Variants in PPP4R4 observed in about 807,000 individuals in gnomAD.
PPP4R4 encodes the protein serine/threonine-protein phosphatase 4 regulatory subunit 4.
A neutral mutation model predicts 121.8 loss-of-function variants in PPP4R4; 70 were observed. The ratio of observed to expected loss-of-function variants is 0.57; its 90% confidence interval spans 0.47 to 0.70. The LOEUF (loss-of-function observed/expected upper bound fraction) is 0.70. PPP4R4 is among the 30% of genes least tolerant of loss of function. The pLI is 0.00. For missense variants in PPP4R4, 875 were observed against 1,033.6 expected (o/e 0.85, Z 2.10); for synonymous variants, 348 against 355.7 (o/e 0.98, Z 0.24).
At chr14:94,264,224 C>G (rs564071670) in intron 19 of PPP4R4, among the ~76,000 whole-genome samples, 1 of 152,350 alleles carries the variant, frequency 6.6e-6, no homozygotes, top group Admixed American at 6.5e-5. Flanking sequence ...TCCAGGCTCA[C>G]TGCAACCTCC....
intron 23 of PPP4R4, among the ~76,000 whole-genome samples, chr14:94,273,217 GAAAC>G (rs978318813): frequency 3.9e-5 from 6 of 152,076 alleles, no homozygotes; most frequent in African/African-American, 7.2e-5. Context: ...CCAAAATTTG[GAAAC>G]AAACAAATTA....
chr14:94,213,831 C>T (rs1175150574), intron 3 of PPP4R4, among the ~76,000 whole-genome samples: 1 of 152,142 alleles, frequency 6.6e-6, no homozygotes, highest in Non-Finnish European at 1.5e-5. Context: ...TTCTGGCCTC[C>T]AGACCTGTGA....
In PPP4R4 at chr14:94,231,322, C is replaced by A; in HGVS notation, c.516+7C>A. The A allele has an allele frequency of 6.3e-7, 1 of 1,594,882 alleles. No individual in the cohort carries two copies. The highest frequency in any genetic ancestry group is 8.6e-7 in the Non-Finnish European group (1 of 1,164,106). On this transcript the variant is annotated splice_region_variant and intron_variant, in intron 5 of 24. Coordinates refer to ENST00000304338, the MANE Select transcript of PPP4R4 (RefSeq NM_058237.2). The stretch of plus-strand genomic sequence containing the variant: ...AGAAACCCTACGGCATGAGGTAATA[C>A]TTTCATGGGGGCAAATACTAATAAG...
At chr14:94,253,183 C>A (rs1004755746) in intron 16 of PPP4R4, among the ~76,000 whole-genome samples, 1 of 152,150 alleles carries the variant, frequency 6.6e-6, no homozygotes, top group Non-Finnish European at 1.5e-5. Flanking sequence ...TTGGGCTGGG[C>A]GTCATGGCTC....
intron 19 of PPP4R4, among the ~76,000 whole-genome samples, chr14:94,262,243 T>G (rs1893825091): frequency 6.6e-6 from 1 of 152,004 alleles, no homozygotes. Flanking sequence ...ATAATGTAGA[T>G]CTTCTGTTTC....
chr14:94,191,649 C>T (rs552869254), intron 2 of PPP4R4, among the ~76,000 whole-genome samples: 2 of 152,242 alleles, frequency 1.3e-5, no homozygotes, highest in Admixed American at 6.5e-5. Flanking sequence ...GCAGTGTTCT[C>T]TATATCATTG....
chr14:94,217,002 T>G (rs1891057480), intron 3 of PPP4R4, among the ~76,000 whole-genome samples: 1 of 152,042 alleles, frequency 6.6e-6, no homozygotes, highest in Admixed American at 6.6e-5. Flanking sequence ...AAGGTCCCCC[T>G]CCCGCACCCC....
intron 2 of PPP4R4, among the ~76,000 whole-genome samples, chr14:94,191,931 T>C (rs972188282): frequency 6.6e-6 from 1 of 152,102 alleles, no homozygotes; most frequent in Non-Finnish European, 1.5e-5. Context: ...TGAGAAATCA[T>C]AGGTTGGAAT....
In PPP4R4 at chr14:94,242,003, T is replaced by G. The variant is rs1265108889; in HGVS notation, c.1146+46T>G. On this transcript the variant is annotated intron_variant, in intron 10 of 24. Transcript: ENST00000304338. ...TTTACTGAGGATTTTTATTATAACT[T>G]TAAAATATGTGCATAGATGGCATTC... 1.1e-5 allele frequency: 17 copies of G among 1,503,148 alleles called. No individual in the cohort carries two copies. In the African/African-American group the frequency reaches 2.1e-4, roughly 19 times the overall value. 93.1% of individuals were successfully genotyped at this position (1,503,148 alleles called of 1,614,324 possible). A position where few individuals can be genotyped will look rare whatever the true frequency, so the allele number is the denominator to read the frequency against.
intron 2 of PPP4R4, among the ~76,000 whole-genome samples, chr14:94,197,277 A>C (rs375578582): frequency 9.2e-5 from 14 of 152,182 alleles, no homozygotes; most frequent in African/African-American, 3.4e-4. Context: ...ACTTGAATTC[A>C]TCAGCTGTTG....
At chr14:94,192,619 T>C (rs1356280429) in intron 2 of PPP4R4, among the ~76,000 whole-genome samples, 1 of 152,204 alleles carries the variant, frequency 6.6e-6, no homozygotes, top group Non-Finnish European at 1.5e-5. Context: ...AAGTGAGAGC[T>C]GCTAGGAGTA....
chr14:94,255,716 A>G (rs1893435801), intron 16 of PPP4R4, among the ~76,000 whole-genome samples: 1 of 151,932 alleles, frequency 6.6e-6, no homozygotes, highest in Non-Finnish European at 1.5e-5. Context: ...AGCTTTTCCT[A>G]TTGTTTCTCT....
chr14:94,276,269 ATGC>A (rs1298910699), intron 24 of PPP4R4, among the ~76,000 whole-genome samples: 2 of 152,224 alleles, frequency 1.3e-5, no homozygotes, highest in African/African-American at 4.8e-5. Flanking sequence ...ATTTTAGTGA[ATGC>A]ATGGGCATTT....
At chr14:94,207,178 A>G (rs533990656) in intron 2 of PPP4R4, among the ~76,000 whole-genome samples, 1 of 152,174 alleles carries the variant, frequency 6.6e-6, no homozygotes, top group Admixed American at 6.5e-5. Context: ...ATGTAGACAT[A>G]TCTTTTAGGG....
At chr14:94,199,766 G>A (rs1890074571) in intron 2 of PPP4R4, among the ~76,000 whole-genome samples, 1 of 152,188 alleles carries the variant, frequency 6.6e-6, no homozygotes. Flanking sequence ...TTGCGGACCT[G>A]CCAGTGCCTG....
intron 21 of PPP4R4, 149 bp from the exon 22 acceptor site, chr14:94,265,645 A>G (rs1238641632): frequency 5.1e-6 from 4 of 783,814 alleles, no homozygotes; most frequent in Non-Finnish European, 8.3e-6. Context: ...TAGTAAGGGT[A>G]AGAGATACTT....
intron 3 of PPP4R4, among the ~76,000 whole-genome samples, chr14:94,212,968 T>G (rs1040288688): frequency 6.6e-6 from 1 of 152,212 alleles, no homozygotes; most frequent in Non-Finnish European, 1.5e-5. Flanking sequence ...GTCATAAAAT[T>G]ATATAAAAGA....
intron 16 of PPP4R4, among the ~76,000 whole-genome samples, chr14:94,252,694 C>T (rs1019703224): frequency 6.6e-6 from 1 of 152,170 alleles, no homozygotes; most frequent in Non-Finnish European, 1.5e-5. Flanking sequence ...CTATTTTGAA[C>T]TTGAACTCAG....
chr14:94,267,012 C>G lies in PPP4R4; in HGVS notation c.2432C>G (p.Ser811Cys), dbSNP rs767496264. The G allele has an allele frequency of 6.3e-7, 1 of 1,595,890 alleles. No individual in the cohort carries two copies. The highest frequency in any genetic ancestry group is 1.7e-5 in the Admixed American group (1 of 58,734). Reference protein sequence around the residue: ...TTSVSGLGKTSVLSLADDSFR... With the variant: ...TTSVSGLGKTCVLSLADDSFR... The stretch of plus-strand genomic sequence containing the variant: ...TCTGTCTCAGGGTTAGGAAAGACTT[C>G]TGTGCTTTCACTAGCTGGTAAGTAG... Residue 811 changes from serine to cysteine, a missense_variant, in exon 23 of 25, where the codon TCT becomes TGT. Transcript: ENST00000304338.
Sources: gnomAD v4.1 joint callset for allele counts (sites outside exome capture counted in the v4.1 genomes callset) on GRCh38, gnomAD v4.1.1 for gene constraint, MANE v1.5 for transcripts, NCBI Gene and HGNC (gene_info 2026-07-23, HGNC 2026-07-21) for gene names.